EFCAB12: variants seen among roughly 807,000 people sequenced by gnomAD.
The protein encoded by EFCAB12 is EF-hand calcium binding domain 12, also known as EF-hand calcium-binding domain-containing protein 12.
A neutral mutation model predicts 53.6 loss-of-function variants in EFCAB12; 43 were observed. The observed-to-expected ratio is 0.80, with a 90% confidence interval of 0.63 to 1.03. EFCAB12 has a LOEUF of 1.03. EFCAB12 is among the 50% of genes least tolerant of loss of function. The pLI is 0.00. For missense variants in EFCAB12, 646 were observed against 730.6 expected (o/e 0.88, Z 1.34); for synonymous variants, 269 against 289.2 (o/e 0.93, Z 0.71).
intron 5 of EFCAB12, among the ~76,000 whole-genome samples, chr3:129,410,163 A>G (rs1453487379): frequency 6.6e-6 from 1 of 151,960 alleles, no homozygotes; most frequent in East Asian, 1.9e-4. Flanking sequence ...ACATGCCACC[A>G]TGCTGGCTAA....
In EFCAB12 at chr3:129,408,712, G is replaced by T. The variant is rs1187091302; in HGVS notation, c.1182C>A (p.Val394=). 6.3e-7 allele frequency: 1 copy of T among 1,589,100 alleles called. No individual in the cohort carries two copies. ...TACAGAGCTTCCAGCATTGCAGGTA[G>T]ACCAGAAAGTTGTGCCTGCGGGCCG... ...IDSARRHNFL[V]YLQCWKLCKS... Residue 394 remains valine (V), a synonymous_variant, in exon 6 of 9, where the codon GTC becomes GTA. Transcript: ENST00000505956.
intron 5 of EFCAB12, among the ~76,000 whole-genome samples, chr3:129,410,541 C>T (rs560707469): frequency 1.3e-5 from 2 of 152,256 alleles, no homozygotes; most frequent in African/African-American, 4.8e-5. Context: ...TGGCCTCGAA[C>T]TCCTGGGCTT....
chr3:129,408,813 G>A lies in EFCAB12; in HGVS notation c.1081C>T (p.Arg361Cys), dbSNP rs374145594. The A allele has an allele frequency of 1.4e-5, 22 of 1,577,004 alleles. No individual in the cohort carries two copies. Among genetic ancestry groups the A allele is most frequent in the South Asian group, 4.7e-5 (4 of 85,712 alleles). ...IQYTEQCHLV[R>C]CGNRHFDEHC... ...TCATCAAAGTGCCGATTCCCACAGC[G>A]CACCAGGTGACATTGCTCCGTGTAC... Residue 361 changes from arginine (R) to cysteine (C), a missense_variant, in exon 6 of 9, where the codon CGC (arginine) becomes TGC (cysteine). Physicochemically the swap from Arg to Cys is radical, Grantham distance 180. Coordinates refer to ENST00000505956, the MANE Select transcript of EFCAB12 (RefSeq NM_207307.3).
At chr3:129,428,320 C>A in intron 1 of EFCAB12, 120 bp downstream of exon 1, 1 of 1,377,992 alleles carries the variant, frequency 7.3e-7, no homozygotes, top group Non-Finnish European at 1.0e-6. Flanking sequence ...GACTCCATGG[C>A]AACCCTTCAC....
At chr3:129,402,762 C>G in intron 7 of EFCAB12, 183 bp from the exon 8 acceptor site, 1 of 608,564 alleles carries the variant, frequency 1.6e-6, no homozygotes, top group Non-Finnish European at 2.9e-6. Context: ...CAGGGGAACA[C>G]AGTGGGCTTG....
rs529820218 is a variant in EFCAB12, at chr3:129,428,454, AAC to A, written c.33_34del (p.Phe12LeufsTer10). The stretch of plus-strand genomic sequence containing the variant: ...CCGGGGCTTACCGAGCAGCGACAAG[AAC>A]AGACTGTGGTACGCTTCATAGTCGT... On this transcript the variant is annotated frameshift_variant, in exon 1 of 9. Coordinates refer to ENST00000505956, the MANE Select transcript of EFCAB12 (RefSeq NM_207307.3). LOFTEE classifies it high-confidence loss of function. The A allele has an allele frequency of 4.8e-4, 777 of 1,610,816 alleles. 2 individuals carry two copies. Among genetic ancestry groups the A allele is most frequent in the South Asian group, 1.6e-3 (145 of 90,248 alleles).
rs750353324 is a variant in EFCAB12, at chr3:129,418,331, GGATCTT to G, written c.598_603del (p.Lys200_Ile201del). On this transcript the variant is annotated inframe_deletion, in exon 3 of 9. Coordinates refer to ENST00000505956, the MANE Select transcript of EFCAB12 (RefSeq NM_207307.3). ...TGGCCCACCTTGTGAAATATCTCCAGGATCTTGATCTTGCGGCTATGCAGGTAGGAG... is the reference window on the plus strand; with the variant it reads ...TGGCCCACCTTGTGAAATATCTCCAGGATCTTGCGGCTATGCAGGTAGGAG... 11 of 1,613,756 alleles carry G rather than the reference GGATCTT, an allele frequency of 6.8e-6. No individual in the cohort carries two copies. The highest frequency in any genetic ancestry group is 7.6e-6 in the Non-Finnish European group (9 of 1,179,808).
chr3:129,423,811 A>T (rs2072218211), intron 1 of EFCAB12, among the ~76,000 whole-genome samples: 1 of 151,876 alleles, frequency 6.6e-6, no homozygotes, highest in Admixed American at 6.6e-5. Context: ...AGCCTCTCCG[A>T]TTTCTCTGGC....
In EFCAB12 at chr3:129,408,650, A is replaced by C; in HGVS notation, c.1244T>G (p.Met415Arg). 1 of 1,567,820 alleles carries C rather than the reference A, an allele frequency of 6.4e-7. No homozygotes were observed. Among genetic ancestry groups the C allele is most frequent in the Non-Finnish European group, 8.7e-7 (1 of 1,155,062 alleles). ...YGLPLTEDIL[M>R]KALLYPGDKI... is the part of the protein sequence containing the mutation. ...CCAGCTACCGAGGCCCTTACCTTTC[A>C]TGAGGATGTCCTCTGTCAGCGGGAG... The change falls in exon 6 of 9, where the codon ATG becomes AGG. Residue 415 changes from methionine (M) to arginine (R), a missense_variant. By Grantham distance (91) the Met-to-Arg change is moderately conservative (BLOSUM62 -1). Transcript: ENST00000505956.
intron 1 of EFCAB12, among the ~76,000 whole-genome samples, chr3:129,426,349 GTTTTTTTTTGTTTTTTTT>G (rs1379857521): frequency 9.4e-6 from 1 of 106,890 alleles, no homozygotes; most frequent in Admixed American, 9.4e-5. Flanking sequence ...GGCTTACAGG[GTTTTTTTTTGTTTTTTTT>G]TTTTTTTTTT....
intron 4 of EFCAB12, 155 bp downstream of exon 4, chr3:129,415,090 G>T (rs1183828594): frequency 2.4e-6 from 2 of 817,398 alleles, no homozygotes; most frequent in Non-Finnish European, 3.6e-6. Context: ...TTAATCTCTG[G>T]GCCTGAAAAT....
At position 129,428,527 on chromosome 3, in the gene EFCAB12, G is replaced by A. The variant is rs116896826; in HGVS notation, c.-39C>T. ...GGAGGGGGTGCTGAAGGGCGTGTGT[G>A]AATGTGTGTCGATGTGGGCTTGCTT... On this transcript the variant is annotated 5_prime_UTR_variant, in exon 1 of 9. Transcript: ENST00000505956. 11,625 of 1,603,812 alleles carry A rather than the reference G, an allele frequency of 7.2e-3. 71 individuals carry two copies. Among genetic ancestry groups the A allele is most frequent in the South Asian group, 0.011 (986 of 89,288 alleles).
chr3:129,402,767 G>A, intron 7 of EFCAB12, 188 bp from the exon 8 acceptor site: 1 of 594,656 alleles, frequency 1.7e-6, no homozygotes, highest in South Asian at 2.1e-5. Context: ...GAACACAGTG[G>A]GCTTGGGTCA....
At chr3:129,407,984 G>A (rs1222972523) in intron 6 of EFCAB12, among the ~76,000 whole-genome samples, 1 of 152,134 alleles carries the variant, frequency 6.6e-6, no homozygotes, top group Non-Finnish European at 1.5e-5. Flanking sequence ...TTGTCATCTC[G>A]GGGCTGGGCC....
intron 1 of EFCAB12, among the ~76,000 whole-genome samples, chr3:129,426,825 T>G (rs1209707885): frequency 6.7e-6 from 1 of 149,000 alleles, no homozygotes; most frequent in Non-Finnish European, 1.5e-5. Flanking sequence ...TACAGGTGCA[T>G]GCCATTAAGC....
At chr3:129,404,087 C>T in intron 7 of EFCAB12, 163 bp downstream of exon 7, 1 of 868,798 alleles carries the variant, frequency 1.2e-6, no homozygotes, top group Non-Finnish European at 1.7e-6. Context: ...TGACCCGGGA[C>T]TGGCCAGTCT....
At chr3:129,409,207 C>T (rs1384050901) in intron 5 of EFCAB12, among the ~76,000 whole-genome samples, 8 of 152,334 alleles carry the variant, frequency 5.3e-5, no homozygotes, top group Admixed American at 1.3e-4. Flanking sequence ...CCCAGCACTT[C>T]GGGAGGCCGA....
chr3:129,403,959 G>A (rs1254913654), intron 7 of EFCAB12: 1 of 264,042 alleles, frequency 3.8e-6, no homozygotes, highest in Non-Finnish European at 7.2e-6. Flanking sequence ...TGTTCTCTAA[G>A]GAGGCTCTCC....
intron 8 of EFCAB12, 53 bp downstream of exon 8, chr3:129,402,470 G>A (rs2071885322): frequency 6.3e-7 from 1 of 1,576,424 alleles, no homozygotes; most frequent in East Asian, 2.3e-5. Flanking sequence ...CTCAGGCGAA[G>A]CTGCCCCTCC....
Sources: gnomAD v4.1 joint callset for allele counts (sites outside exome capture counted in the v4.1 genomes callset) on GRCh38, gnomAD v4.1.1 for gene constraint, MANE v1.5 for transcripts, NCBI Gene and HGNC (gene_info 2026-07-23, HGNC 2026-07-21) for gene names.